The following LANCL3 variants were observed in gnomAD, a reference collection of about 807,000 sequenced individuals.
The protein encoded by LANCL3 is lanC-like protein 3.
A neutral mutation model predicts 26.5 loss-of-function variants in LANCL3; 19 were observed. The ratio of observed to expected loss-of-function variants is 0.72; its 90% confidence interval spans 0.50 to 1.05. LANCL3 has a LOEUF of 1.05. Ranked by LOEUF, LANCL3 falls within the 50% of genes least tolerant of loss-of-function variation. LANCL3 has a pLI of 0.00. For synonymous variants in LANCL3, 160 were observed against 166.6 expected (o/e 0.96, Z 0.30); for missense variants, 318 against 362.7 (o/e 0.88, Z 1.00).
chrX:37,664,492 C>A (rs1482083554), intron 3 of LANCL3, among the ~76,000 whole-genome samples: 1 of 111,412 alleles, frequency 9.0e-6, no homozygotes. Context: ...TTTAGAGAAG[C>A]TTTTTTTGTT....
At chrX:37,589,903 G>A (rs1383706892) in intron 1 of LANCL3, among the ~76,000 whole-genome samples, 1 of 112,154 alleles carries the variant, frequency 8.9e-6, no homozygotes. Flanking sequence ...ATTAAGCTGA[G>A]CTGCTCAGGC....
At chrX:37,640,842 C>T (rs1045512758) in intron 1 of LANCL3, among the ~76,000 whole-genome samples, 1 of 111,075 alleles carries the variant, frequency 9.0e-6, no homozygotes, top group Non-Finnish European at 1.9e-5. Context: ...ACCTTCTCTC[C>T]TCTTCAGCCA....
chrX:37,651,751 C>A (rs782745956), intron 1 of LANCL3, among the ~76,000 whole-genome samples: 2 of 110,652 alleles, frequency 1.8e-5, no homozygotes, highest in South Asian at 7.7e-4. Context: ...TCCCTCCTCC[C>A]TCCCCCAACC....
intron 1 of LANCL3, among the ~76,000 whole-genome samples, chrX:37,616,679 G>A (rs1925019230): frequency 8.9e-6 from 1 of 112,083 alleles, no homozygotes; most frequent in African/African-American, 3.2e-5. Context: ...TCTGCCCTCA[G>A]GGAGTTCACA....
At chrX:37,610,564 G>C (rs1162061696) in intron 1 of LANCL3, among the ~76,000 whole-genome samples, 1 of 111,276 alleles carries the variant, frequency 9.0e-6, no homozygotes, top group Non-Finnish European at 1.9e-5. Context: ...TTCTCCCTCT[G>C]TGCCCGTAGA....
intron 1 of LANCL3, among the ~76,000 whole-genome samples, chrX:37,635,474 C>G (rs1480794684): frequency 5.4e-5 from 6 of 111,339 alleles, no homozygotes; most frequent in African/African-American, 2.0e-4. Context: ...AAATTTTGTC[C>G]TTATATGTGT....
At chrX:37,573,978 C>CTT (rs782602955) in intron 1 of LANCL3, among the ~76,000 whole-genome samples, 1 of 77,663 alleles carries the variant, frequency 1.3e-5, no homozygotes, top group African/African-American at 4.8e-5. Flanking sequence ...CAAACCAGGT[C>CTT]TTTTTTTTTT....
chrX:37,583,178 C>T (rs1245870419), intron 1 of LANCL3, among the ~76,000 whole-genome samples: 1 of 111,655 alleles, frequency 9.0e-6, no homozygotes, highest in Non-Finnish European at 1.9e-5. Flanking sequence ...TGATCGATAT[C>T]TCTGTTTTGG....
intron 1 of LANCL3, among the ~76,000 whole-genome samples, chrX:37,635,865 G>T (rs931646451): frequency 3.6e-5 from 4 of 110,379 alleles, no homozygotes; most frequent in African/African-American, 6.6e-5. Flanking sequence ...TAGGTAAATT[G>T]TGTGTCACGG....
chrX:37,657,351 A>G (rs782003076), intron 2 of LANCL3, among the ~76,000 whole-genome samples: 27 of 111,029 alleles, frequency 2.4e-4, no homozygotes, highest in African/African-American at 8.8e-4. Context: ...CCCCTAATCT[A>G]TTCCATTCAT....
At chrX:37,602,421 C>T (rs1411125082) in intron 1 of LANCL3, among the ~76,000 whole-genome samples, 2 of 111,875 alleles carry the variant, frequency 1.8e-5, no homozygotes, top group African/African-American at 6.5e-5. Context: ...TCTTGGGACA[C>T]TTCAAGATTC....
chrX:37,626,082 A>G (rs781907269), intron 1 of LANCL3, among the ~76,000 whole-genome samples: 1 of 112,355 alleles, frequency 8.9e-6, no homozygotes, highest in African/African-American at 3.2e-5. Flanking sequence ...TTACATGGCA[A>G]AGATGTGGAT....
chrX:37,680,446 CATT>C lies in LANCL3; in HGVS notation c.*4634_*4636del, dbSNP rs1213057664. On this transcript the variant is annotated 3_prime_UTR_variant, in exon 5 of 5. Transcript: ENST00000378619. Reference sequence around the variant, plus strand: ...TTGTTTTGTTTTTGTTTTCTTGAATCATTGAAACTTGTCATTTTTATCTAGACT... The same window carrying C: ...TTGTTTTGTTTTTGTTTTCTTGAATCGAAACTTGTCATTTTTATCTAGACT... The C allele has an allele frequency of 9.0e-6, 1 of 111,463 alleles. No homozygotes were observed. Among genetic ancestry groups the C allele is most frequent in the Non-Finnish European group, 1.9e-5 (1 of 53,050 alleles). The allele number at this position is 111,463 out of a possible 1,213,427, so 9.2% of individuals were successfully genotyped here. A position where few individuals can be genotyped will look rare whatever the true frequency, so the allele number is the denominator to read the frequency against.
At chrX:37,635,354 A>T (rs1245216911) in intron 1 of LANCL3, among the ~76,000 whole-genome samples, 1 of 112,221 alleles carries the variant, frequency 8.9e-6, no homozygotes, top group Non-Finnish European at 1.9e-5. Flanking sequence ...ATATGAGATG[A>T]AGTAAGGACA....
At chrX:37,601,089 T>G in intron 1 of LANCL3, among the ~76,000 whole-genome samples, 1 of 111,748 alleles carries the variant, frequency 8.9e-6, no homozygotes, top group South Asian at 3.7e-4. Flanking sequence ...TGCTGTTTGG[T>G]GGGGGAAGAG....
intron 1 of LANCL3, among the ~76,000 whole-genome samples, chrX:37,631,254 A>G (rs1313882520): frequency 2.7e-5 from 3 of 111,750 alleles, no homozygotes; most frequent in African/African-American, 9.8e-5. Flanking sequence ...TGTTTATAGT[A>G]TTCTCTGATG....
At chrX:37,597,123 CA>C (rs1461929709) in intron 1 of LANCL3, among the ~76,000 whole-genome samples, 1 of 112,113 alleles carries the variant, frequency 8.9e-6, no homozygotes, top group African/African-American at 3.2e-5. Flanking sequence ...TTTCACTAAG[CA>C]AAATGTCTTT....
In LANCL3 at chrX:37,679,090, T is replaced by C. The variant is rs1926875109; in HGVS notation, c.*3277T>C. On this transcript the variant is annotated 3_prime_UTR_variant, in exon 5 of 5. Coordinates refer to ENST00000378619, the MANE Select transcript of LANCL3 (RefSeq NM_001170331.2). ...CTGCCACTTTTAGGGGCCACTGTAG[T>C]AATAATAATAATCACCCTGTCTACT... 9.0e-6 allele frequency: 1 copy of C among 111,700 alleles called. No individual in the cohort carries two copies. The highest frequency in any genetic ancestry group is 9.5e-5 in the Admixed American group (1 of 10,526). The allele number at this position is 111,700 out of a possible 1,213,427, so 9.2% of individuals were successfully genotyped here.
intron 1 of LANCL3, among the ~76,000 whole-genome samples, chrX:37,598,288 C>T (rs1880310125): frequency 8.9e-6 from 1 of 111,852 alleles, no homozygotes; most frequent in Non-Finnish European, 1.9e-5. Context: ...TGCTTTGCTA[C>T]CTTGGCTGCC....
Sources: gnomAD v4.1 joint callset for allele counts (sites outside exome capture counted in the v4.1 genomes callset) on GRCh38, gnomAD v4.1.1 for gene constraint, MANE v1.5 for transcripts, NCBI Gene and HGNC (gene_info 2026-07-23, HGNC 2026-07-21) for gene names.